Variants in NEGR1 observed in about 807,000 individuals in gnomAD.
The protein encoded by NEGR1 is neuronal growth regulator 1, also known as IgLON family member 4.
NEGR1 carries 10 observed loss-of-function variants against 40.9 expected under a neutral mutation model. The observed-to-expected ratio is 0.24, with a 90% CI of 0.15 to 0.42. NEGR1 has a LOEUF of 0.42. Among genes scored for constraint, NEGR1 ranks in the 10% least tolerant of loss-of-function variants. NEGR1 has a pLI of 1.00. For missense variants in NEGR1, 352 were observed against 438.9 expected (o/e 0.80, Z 1.77); for synonymous variants, 185 against 166.8 (o/e 1.11, Z -0.84).
At chr1:71,738,319 A>C in intron 3 of NEGR1, 2 of 254,850 alleles carry the variant, frequency 7.8e-6, no homozygotes, top group East Asian at 2.2e-4. Flanking sequence ...AGAGCAGGTT[A>C]GCAGACAAAT....
chr1:72,074,267 C>T (rs1379029870), intron 1 of NEGR1, among the ~76,000 whole-genome samples: 1 of 151,994 alleles, frequency 6.6e-6, no homozygotes, highest in Non-Finnish European at 1.5e-5. Context: ...TCCTAATATT[C>T]GTCTGTTGGT....
At chr1:72,009,505 T>C (rs1646638452) in intron 1 of NEGR1, among the ~76,000 whole-genome samples, 2 of 152,046 alleles carry the variant, frequency 1.3e-5, no homozygotes, top group African/African-American at 2.4e-5. Context: ...TTTATATTTA[T>C]AAAAAGTACG....
chr1:71,577,623 T>C (rs763174975), intron 6 of NEGR1, among the ~76,000 whole-genome samples: 7 of 152,216 alleles, frequency 4.6e-5, no homozygotes, highest in Non-Finnish European at 1.0e-4. Context: ...TTCAAAATGT[T>C]ATAATAGGTT....
chr1:72,170,140 C>T (rs1651908605), intron 1 of NEGR1, among the ~76,000 whole-genome samples: 1 of 152,046 alleles, frequency 6.6e-6, no homozygotes, highest in Admixed American at 6.6e-5. Flanking sequence ...TTAGATAGTT[C>T]TGTGTTCCTC....
intron 2 of NEGR1, among the ~76,000 whole-genome samples, chr1:71,894,583 A>C (rs1321003249): frequency 6.6e-6 from 1 of 152,226 alleles, no homozygotes; most frequent in African/African-American, 2.4e-5. Flanking sequence ...CTATTAAAAT[A>C]CTGTTTGACA....
chr1:71,543,081 C>T (rs556654107), intron 6 of NEGR1, among the ~76,000 whole-genome samples: 7 of 151,650 alleles, frequency 4.6e-5, no homozygotes, highest in Admixed American at 1.3e-4. Context: ...CTGTAAGCTT[C>T]ATAAAGCCAG....
intron 2 of NEGR1, among the ~76,000 whole-genome samples, chr1:71,917,509 G>T (rs558297470): frequency 1.3e-5 from 2 of 152,028 alleles, no homozygotes; most frequent in Admixed American, 6.6e-5. Context: ...AGAGTAAGTC[G>T]GACGGGTGCG....
chr1:72,130,851 G>A (rs1442104677), intron 1 of NEGR1, among the ~76,000 whole-genome samples: 1 of 151,976 alleles, frequency 6.6e-6, no homozygotes, highest in African/African-American at 2.4e-5. Context: ...TCCTGTTAAT[G>A]AGTACAAACT....
intron 6 of NEGR1, among the ~76,000 whole-genome samples, chr1:71,589,518 G>A (rs536305560): frequency 6.6e-6 from 1 of 151,972 alleles, no homozygotes; most frequent in African/African-American, 2.4e-5. Flanking sequence ...ATCTAGAAAT[G>A]ACCTAATTTT....
At chr1:72,257,864 A>G (rs911464646) in intron 1 of NEGR1, among the ~76,000 whole-genome samples, 3 of 152,194 alleles carry the variant, frequency 2.0e-5, no homozygotes, top group African/African-American at 7.2e-5. Flanking sequence ...ATACTTAAGA[A>G]TCTCTTCCCC....
At chr1:72,138,406 A>C (rs1650549729) in intron 1 of NEGR1, among the ~76,000 whole-genome samples, 1 of 152,020 alleles carries the variant, frequency 6.6e-6, no homozygotes, top group African/African-American at 2.4e-5. Context: ...AGTGTTCTAA[A>C]TACCTTGATT....
intron 3 of NEGR1, among the ~76,000 whole-genome samples, chr1:71,757,667 T>C (rs1338756572): frequency 2.0e-5 from 3 of 152,118 alleles, no homozygotes; most frequent in Non-Finnish European, 2.9e-5. Flanking sequence ...TCCCCTCTCA[T>C]CACCCAGAGT....
intron 1 of NEGR1, among the ~76,000 whole-genome samples, chr1:71,969,636 A>G (rs1483479304): frequency 1.3e-5 from 2 of 152,224 alleles, no homozygotes; most frequent in East Asian, 3.8e-4. Context: ...AAGAAAAGTC[A>G]GTATTCTGTC....
intron 2 of NEGR1, among the ~76,000 whole-genome samples, chr1:71,780,267 T>C (rs1656664254): frequency 6.6e-6 from 1 of 152,210 alleles, no homozygotes; most frequent in Admixed American, 6.5e-5. Context: ...TAAATTGTCA[T>C]GTACTTTAAG....
At chr1:71,558,010 C>T (rs577568192) in intron 6 of NEGR1, among the ~76,000 whole-genome samples, 1 of 151,622 alleles carries the variant, frequency 6.6e-6, no homozygotes, top group South Asian at 2.1e-4. Flanking sequence ...CATGATTAGA[C>T]TCAACTTATG....
chr1:72,167,194 G>A (rs1209422055), intron 1 of NEGR1, among the ~76,000 whole-genome samples: 1 of 152,108 alleles, frequency 6.6e-6, no homozygotes, highest in African/African-American at 2.4e-5. Context: ...AAACAATAAT[G>A]TTTCACTACA....
At chr1:71,630,544 A>G (rs891711061) in intron 4 of NEGR1, among the ~76,000 whole-genome samples, 1 of 151,924 alleles carries the variant, frequency 6.6e-6, no homozygotes, top group African/African-American at 2.4e-5. Context: ...TGTGTGCCCC[A>G]TAAAATAATG....
intron 1 of NEGR1, among the ~76,000 whole-genome samples, chr1:71,999,779 G>T (rs1038974512): frequency 5.4e-5 from 8 of 149,290 alleles, no homozygotes; most frequent in African/African-American, 2.0e-4. Flanking sequence ...TACTATCAAT[G>T]ATGCTACTGA....
At chr1:72,004,996 G>T (rs563321273) in intron 1 of NEGR1, among the ~76,000 whole-genome samples, 4 of 152,018 alleles carry the variant, frequency 2.6e-5, no homozygotes, top group Non-Finnish European at 4.4e-5. Flanking sequence ...CTACTTTATG[G>T]GTGATTAGGT....
Sources: allele counts gnomAD v4.1 joint callset (sites outside exome capture counted in the v4.1 genomes callset), GRCh38; gene constraint gnomAD v4.1.1; transcripts MANE v1.5; gene names NCBI Gene and HGNC (gene_info 2026-07-23, HGNC 2026-07-21).